The following ZEB1 variants were observed in gnomAD, a reference collection of about 807,000 sequenced individuals.
ZEB1 encodes the protein zinc finger E-box binding homeobox 1.
A neutral mutation model predicts 84.9 loss-of-function variants in ZEB1; 21 were observed. The ratio of observed to expected loss-of-function variants is 0.25; its 90% CI spans 0.18 to 0.36. ZEB1 has a LOEUF of 0.36. Ranked by LOEUF, ZEB1 falls within the 10% of genes least tolerant of loss-of-function variation. The pLI is 1.00. For missense variants in ZEB1, 1,104 were observed against 1,330.2 expected (o/e 0.83, Z 2.65); for synonymous variants, 420 against 471.1 (o/e 0.89, Z 1.41).
chr10:31,438,715 G>A (rs1014679084), intron 1 of ZEB1, among the ~76,000 whole-genome samples: 1 of 152,128 alleles, frequency 6.6e-6, no homozygotes, highest in African/African-American at 2.4e-5. Flanking sequence ...TGGTGGCACA[G>A]GCCTTTAGTC....
chr10:31,451,313 C>A (rs769418714), intron 1 of ZEB1, among the ~76,000 whole-genome samples: 1 of 152,134 alleles, frequency 6.6e-6, no homozygotes, highest in Non-Finnish European at 1.5e-5. Context: ...ATTGAACATT[C>A]GTGCTGCTTA....
chr10:31,357,040 G>T (rs1044688476), intron 1 of ZEB1, among the ~76,000 whole-genome samples: 1 of 152,116 alleles, frequency 6.6e-6, no homozygotes, highest in African/African-American at 2.4e-5. Flanking sequence ...TTGTTTTATA[G>T]CCTTGACCAT....
chr10:31,360,336 C>T (rs566147705), intron 1 of ZEB1, among the ~76,000 whole-genome samples: 1 of 152,216 alleles, frequency 6.6e-6, no homozygotes, highest in African/African-American at 2.4e-5. Flanking sequence ...TTCACAACTG[C>T]AAAATGGGTT....
chr10:31,472,347 T>G lies in ZEB1; in HGVS notation c.259+11110T>G, dbSNP rs544181103. Among the ~76,000 whole-genome samples, 16 of 151,880 alleles carry G rather than the reference T, an allele frequency of 1.1e-4. No homozygotes were observed. In the South Asian group the frequency reaches 2.7e-3, roughly 26 times the overall value. ...AATAAAAAAAGAGAGAAGAATCAAATAGATGCAATAAAAAATGATAAAGGG... is the reference window on the plus strand; with the variant it reads ...AATAAAAAAAGAGAGAAGAATCAAAGAGATGCAATAAAAAATGATAAAGGG... On this transcript the variant is annotated intron_variant, in intron 2 of 8. Transcript: ENST00000424869.
chr10:31,329,418 C>T (rs1000306952), intron 1 of ZEB1, among the ~76,000 whole-genome samples: 2 of 152,064 alleles, frequency 1.3e-5, no homozygotes, highest in Non-Finnish European at 2.9e-5. Context: ...CAATTTGTGT[C>T]GCCATTCACC....
chr10:31,496,655 TTGTA>T (rs1221689737), intron 3 of ZEB1, among the ~76,000 whole-genome samples: 5 of 152,124 alleles, frequency 3.3e-5, no homozygotes, highest in Non-Finnish European at 7.4e-5. Context: ...TAATTGTACT[TTGTA>T]TATTCAACCA....
intron 1 of ZEB1, chr10:31,387,855 C>A: frequency 1.3e-6 from 1 of 781,712 alleles, no homozygotes; most frequent in Non-Finnish European, 1.6e-6. Flanking sequence ...TTACTTAAAA[C>A]TTGAAAAAAT....
At chr10:31,363,223 G>A (rs3895218) in intron 1 of ZEB1, 97 of 1,533,872 alleles carry the variant, frequency 6.3e-5, no homozygotes, top group Middle Eastern at 4.6e-4. Flanking sequence ...CTTCAAGGCC[G>A]CCTTCTCTGG....
chr10:31,335,291 T>C (rs565719857), intron 1 of ZEB1, among the ~76,000 whole-genome samples: 1 of 152,246 alleles, frequency 6.6e-6, no homozygotes, highest in African/African-American at 2.4e-5. Flanking sequence ...GGTAGCCGTC[T>C]TGGTCATCAG....
intron 1 of ZEB1, among the ~76,000 whole-genome samples, chr10:31,452,135 A>G (rs1028663581): frequency 6.6e-6 from 1 of 152,162 alleles, no homozygotes; most frequent in Non-Finnish European, 1.5e-5. Flanking sequence ...TACCTAGAGA[A>G]GGATTTAAAA....
chr10:31,428,118 T>C (rs927982862), intron 1 of ZEB1, among the ~76,000 whole-genome samples: 1 of 152,154 alleles, frequency 6.6e-6, no homozygotes, highest in African/African-American at 2.4e-5. Flanking sequence ...GCTTTGGGAT[T>C]TGTGTGCTCT....
At chr10:31,415,445 A>G (rs926950007) in intron 1 of ZEB1, among the ~76,000 whole-genome samples, 1 of 152,136 alleles carries the variant, frequency 6.6e-6, no homozygotes. Flanking sequence ...TGGTGGAATC[A>G]CATATATTTT....
intron 5 of ZEB1, among the ~76,000 whole-genome samples, chr10:31,513,306 C>T (rs2070440917): frequency 1.3e-5 from 2 of 152,068 alleles, no homozygotes; most frequent in Admixed American, 6.6e-5. Flanking sequence ...AAGGCCTAAG[C>T]TATAACCAAA....
intron 1 of ZEB1, among the ~76,000 whole-genome samples, chr10:31,371,108 A>C (rs2045623502): frequency 6.6e-6 from 1 of 152,200 alleles, no homozygotes; most frequent in Non-Finnish European, 1.5e-5. Context: ...CTGCTGGAAC[A>C]TGAAACCAGC....
At chr10:31,380,435 G>A (rs1321422136) in intron 1 of ZEB1, among the ~76,000 whole-genome samples, 1 of 152,168 alleles carries the variant, frequency 6.6e-6, no homozygotes, top group African/African-American at 2.4e-5. Context: ...ACATCAAGGA[G>A]CATATAATGT....
intron 1 of ZEB1, among the ~76,000 whole-genome samples, chr10:31,450,995 T>A (rs1237075867): frequency 2.0e-5 from 3 of 152,114 alleles, no homozygotes; most frequent in Admixed American, 2.0e-4. Context: ...GACTTTTCAT[T>A]TTCCTCTCTC....
At chr10:31,516,283 C>A (rs967653988) in intron 6 of ZEB1, among the ~76,000 whole-genome samples, 1 of 151,986 alleles carries the variant, frequency 6.6e-6, no homozygotes, top group African/African-American at 2.4e-5. Context: ...GCACTGTCCA[C>A]TCATTATGTA....
intron 1 of ZEB1, chr10:31,373,312 C>T: frequency 6.2e-6 from 5 of 804,748 alleles, no homozygotes; most frequent in Non-Finnish European, 7.5e-6. Flanking sequence ...ATGTCTGTCA[C>T]TTATATTTTA....
At position 31,504,142 on chromosome 10, in the gene ZEB1, G is replaced by A. The variant is rs151034157; in HGVS notation, c.484+1633G>A. On this transcript the variant is annotated intron_variant, in intron 4 of 8. Coordinates refer to ENST00000424869, the MANE Select transcript of ZEB1 (RefSeq NM_001174096.2). Reference sequence around the variant, plus strand: ...TCTTGAGTTGATTTTTGTATGTGGTGAGAAATAGGAGTCCAGTTTCATTCT... The same window carrying A: ...TCTTGAGTTGATTTTTGTATGTGGTAAGAAATAGGAGTCCAGTTTCATTCT... Among the ~76,000 whole-genome samples, 59 of 152,190 alleles carry A rather than the reference G, an allele frequency of 3.9e-4. No individual in the cohort carries two copies. The East Asian group carries it at 0.011, about 28-fold the overall frequency.
Sources: allele counts gnomAD v4.1 joint callset (sites outside exome capture counted in the v4.1 genomes callset), GRCh38; gene constraint gnomAD v4.1.1; transcripts MANE v1.5; gene names NCBI Gene and HGNC (gene_info 2026-07-23, HGNC 2026-07-21).